Variants in PAX8 observed in about 807,000 individuals in gnomAD.
The protein encoded by PAX8 is paired box protein Pax-8.
Under a neutral mutation model 52.4 loss-of-function variants are expected in PAX8, and 15 were observed. The ratio of observed to expected loss-of-function variants is 0.29; its 90% CI spans 0.19 to 0.44. PAX8 has a LOEUF of 0.44. Ranked by LOEUF, PAX8 falls within the 20% of genes least tolerant of loss-of-function variation. The pLI is 1.00. For synonymous variants in PAX8, 284 were observed against 249.7 expected, an observed-to-expected ratio of 1.14 and a Z score of -1.29; for missense variants, 554 against 602.5, an observed-to-expected ratio of 0.92 and a Z score of 0.84.
At chr2:113,232,266 C>G (rs1689944659) in intron 9 of PAX8, among the ~76,000 whole-genome samples, 1 of 152,240 alleles carries the variant, frequency 6.6e-6, no homozygotes, top group Non-Finnish European at 1.5e-5. Context: ...CAGCCATCCC[C>G]TCCCTTGTGC....
At chr2:113,264,764 G>A (rs1692938010) in intron 2 of PAX8, among the ~76,000 whole-genome samples, 1 of 152,214 alleles carries the variant, frequency 6.6e-6, no homozygotes, top group Non-Finnish European at 1.5e-5. Flanking sequence ...AAGGTAAAGG[G>A]TGTCTAAAAA....
At position 113,269,461 on chromosome 2, in the gene PAX8, C is replaced by T. The variant is rs374750129; in HGVS notation, c.25+8909G>A. On this transcript the variant is annotated intron_variant, in intron 2 of 11. Coordinates refer to ENST00000429538, the MANE Select transcript of PAX8 (RefSeq NM_003466.4). ...GTTGTTTTGTCTGATCATTCTTCCT[C>T]CTGGTTCTGCGGGTCTGCCTTCTTG... 3.3e-5 allele frequency: 5 copies of T among 152,404 alleles called. No individual in the cohort carries two copies. The South Asian group carries it at 6.2e-4, about 19-fold the overall frequency. The allele number at this position is 152,404 out of a possible 1,614,324, so 9.4% of individuals were successfully genotyped here. A position where few individuals can be genotyped will look rare whatever the true frequency, so the allele number is the denominator to read the frequency against.
Position 113,227,857 on chromosome 2 carries a change from G to A in PAX8, c.1088-601C>T, listed in dbSNP as rs556826726. On this transcript the variant is annotated intron_variant, in intron 9 of 11. Transcript: ENST00000429538. ...TTCCAAGTGGATGCAATCTATCAGA[G>A]TTGCCAGGTACAGGAAACCGATTGG... Among the ~76,000 whole-genome samples the A allele has an allele frequency of 2.0e-3, 299 of 152,300 alleles. 1 individual carries two copies. The highest frequency in any genetic ancestry group is 6.9e-3 in the African/African-American group (287 of 41,560).
chr2:113,219,074 C>G (rs1256829847), intron 11 of PAX8, among the ~76,000 whole-genome samples: 1 of 152,146 alleles, frequency 6.6e-6, no homozygotes, highest in East Asian at 1.9e-4. Flanking sequence ...GCTCTGCACA[C>G]CTGCAGGATG....
chr2:113,225,970 G>T, intron 10 of PAX8: 2 of 984,820 alleles, frequency 2.0e-6, no homozygotes, highest in Non-Finnish European at 2.4e-6. Context: ...GGAGTCCGGG[G>T]CCAGGAGGGA....
At chr2:113,278,752 G>A (rs1036412214) in intron 1 of PAX8, 79 bp downstream of exon 1, 1 of 727,372 alleles carries the variant, frequency 1.4e-6, no homozygotes, top group Non-Finnish European at 1.9e-6. Context: ...AGGCTGCCAG[G>A]CATCCTGGGA....
rs1689098528 is a variant in PAX8 at position 113,218,423 on chromosome 2, T to C, written c.*110A>G. On this transcript the variant is annotated 3_prime_UTR_variant, in exon 12 of 12. Transcript: ENST00000429538. ...CAGGGAGTGTGCCGCAATGCTGGAC[T>C]TGTGGTTATTTTTCATGTAATAAAT... is the stretch of plus-strand genomic sequence containing the variant. The C allele has an allele frequency of 1.6e-6, 1 of 609,224 alleles. No homozygotes were observed. The highest frequency in any genetic ancestry group is 3.2e-5 in the Admixed American group (1 of 31,330). The allele number at this position is 609,224 out of a possible 1,614,324, so 37.7% of individuals were successfully genotyped here.
chr2:113,224,281 T>C (rs1689416200), intron 10 of PAX8, among the ~76,000 whole-genome samples: 1 of 152,006 alleles, frequency 6.6e-6, no homozygotes, highest in African/African-American at 2.4e-5. Flanking sequence ...GCACAGTGAC[T>C]CACACCTGTA....
At chr2:113,261,394 A>G (rs1450150241) in intron 2 of PAX8, among the ~76,000 whole-genome samples, 1 of 152,156 alleles carries the variant, frequency 6.6e-6, no homozygotes, top group East Asian at 1.9e-4. Flanking sequence ...AGAGCTCTAG[A>G]GGGAAACATT....
At chr2:113,225,474 A>G (rs1371771345) in intron 10 of PAX8, 2 of 152,216 alleles carry the variant, frequency 1.3e-5, no homozygotes, top group Non-Finnish European at 2.9e-5. Flanking sequence ...TTTAAATAGT[A>G]TTGCATTTTC....
intron 2 of PAX8, among the ~76,000 whole-genome samples, chr2:113,249,714 G>A (rs1288696833): frequency 6.6e-6 from 1 of 152,148 alleles, no homozygotes; most frequent in Non-Finnish European, 1.5e-5. Context: ...ACCGTTATCA[G>A]CAAGCATTGT....
chr2:113,231,008 A>G (rs1207292016), intron 9 of PAX8, among the ~76,000 whole-genome samples: 1 of 152,202 alleles, frequency 6.6e-6, no homozygotes, highest in Non-Finnish European at 1.5e-5. Context: ...ATTGGTAAAT[A>G]TTCTAAATAT....
intron 9 of PAX8, 54 bp downstream of exon 9, chr2:113,235,340 C>A: frequency 6.8e-7 from 1 of 1,472,258 alleles, no homozygotes; most frequent in Non-Finnish European, 9.2e-7. Context: ...GCCCTGAGGA[C>A]CCCCGTCCCA....
At chr2:113,227,920 T>G (rs1444305872) in intron 9 of PAX8, among the ~76,000 whole-genome samples, 1 of 152,234 alleles carries the variant, frequency 6.6e-6, no homozygotes, top group Non-Finnish European at 1.5e-5. Flanking sequence ...CGGAGATATT[T>G]AGCTTTTACA....
At chr2:113,247,252 G>T (rs1691402376) in intron 2 of PAX8, among the ~76,000 whole-genome samples, 1 of 152,328 alleles carries the variant, frequency 6.6e-6, no homozygotes, top group East Asian at 1.9e-4. Context: ...AGGAATTGAG[G>T]ATGTGGGGTC....
At chr2:113,245,438 C>T (rs182131555) in intron 3 of PAX8, among the ~76,000 whole-genome samples, 80 of 152,276 alleles carry the variant, frequency 5.3e-4, no homozygotes, top group Middle Eastern at 3.4e-3. Flanking sequence ...GCTCCCTGCC[C>T]TGTCCAAGCC....
chr2:113,249,431 G>C (rs1311620264), intron 2 of PAX8, among the ~76,000 whole-genome samples: 1 of 152,108 alleles, frequency 6.6e-6, no homozygotes. Context: ...AGAAGTTTCC[G>C]GGCCGTATCC....
chr2:113,217,847 TG>T lies in PAX8; in HGVS notation c.*685del. The T allele has an allele frequency of 4.3e-6, 1 of 233,270 alleles. No individual in the cohort carries two copies. The highest frequency in any genetic ancestry group is 8.5e-6 in the Non-Finnish European group (1 of 118,120). The allele number at this position is 233,270 out of a possible 1,614,324, so 14.5% of individuals were successfully genotyped here. On this transcript the variant is annotated 3_prime_UTR_variant, in exon 12 of 12. Coordinates refer to ENST00000429538, the MANE Select transcript of PAX8 (RefSeq NM_003466.4). Reference sequence around the variant, plus strand: ...GGGGATGCCGCACTGCAGGAGGACCTGGGGTGGTGCTATACCTTCACAGCAG... The same window carrying T: ...GGGGATGCCGCACTGCAGGAGGACCTGGGTGGTGCTATACCTTCACAGCAG...
intron 2 of PAX8, among the ~76,000 whole-genome samples, chr2:113,262,385 C>T (rs12471067): frequency 1 from 151,692 of 152,222 alleles, 75,584 homozygotes; most frequent in Non-Finnish European, 1. Flanking sequence ...GGAGTCCCCT[C>T]CTCTGTTGGA....
Sources: gnomAD v4.1 joint callset for allele counts (sites outside exome capture counted in the v4.1 genomes callset) on GRCh38, gnomAD v4.1.1 for gene constraint, MANE v1.5 for transcripts, NCBI Gene and HGNC (gene_info 2026-07-23, HGNC 2026-07-21) for gene names.